GRM7: variants seen among roughly 807,000 people sequenced by gnomAD.
GRM7 encodes metabotropic glutamate receptor 7.
GRM7 carries 35 observed loss-of-function variants against 84.5 expected under a neutral mutation model. The observed-to-expected ratio is 0.41, with a 90% CI of 0.32 to 0.55. The LOEUF (loss-of-function observed/expected upper bound fraction) is 0.55, where lower values mean the gene tolerates loss of function less well. Among genes scored for constraint, GRM7 ranks in the 20% least tolerant of loss-of-function variants. The probability of loss-of-function intolerance (pLI) is 0.19; values close to 1 mark genes in which losing one functional copy is unlikely to be tolerated. For synonymous variants in GRM7, 487 were observed against 455.1 expected, an observed-to-expected ratio of 1.07 and a Z score of -0.89; for missense variants, 1,003 against 1,194.6, an observed-to-expected ratio of 0.84 and a Z score of 2.36.
At chr3:7,339,327 C>G (rs1318054967) in intron 4 of GRM7, among the ~76,000 whole-genome samples, 1 of 152,098 alleles carries the variant, frequency 6.6e-6, no homozygotes, top group African/African-American at 2.4e-5. Flanking sequence ...TGGTTTGCCC[C>G]TCTTTTTCTT....
chr3:7,457,454 A>T (rs181135680), intron 6 of GRM7, among the ~76,000 whole-genome samples: 1 of 152,270 alleles, frequency 6.6e-6, no homozygotes, highest in East Asian at 1.9e-4. Context: ...AATTTAAGTA[A>T]TTTGGTGTCT....
intron 2 of GRM7, among the ~76,000 whole-genome samples, chr3:7,209,900 T>C (rs1446384321): frequency 1.3e-5 from 2 of 152,160 alleles, no homozygotes; most frequent in African/African-American, 4.8e-5. Context: ...GAGAGAGGCC[T>C]GTCTCACCTC....
intron 4 of GRM7, among the ~76,000 whole-genome samples, chr3:7,394,508 C>T (rs1695129109): frequency 6.6e-6 from 1 of 152,134 alleles, no homozygotes; most frequent in South Asian, 2.1e-4. Flanking sequence ...GTGTTTATTA[C>T]ATATTTTACT....
At chr3:7,689,619 C>T (rs3828424) in intron 9 of GRM7, among the ~76,000 whole-genome samples, 7,034 of 152,248 alleles carry the variant, frequency 0.046, 209 homozygotes, top group South Asian at 0.084. Flanking sequence ...CTGCAACTGC[C>T]GTCTTAAGTT....
chr3:7,248,183 C>T (rs1697845353), intron 2 of GRM7, among the ~76,000 whole-genome samples: 2 of 152,132 alleles, frequency 1.3e-5, no homozygotes, highest in Non-Finnish European at 2.9e-5. Flanking sequence ...TATAGCAGCT[C>T]TATTTATTAT....
chr3:7,582,255 G>A (rs1369200091), intron 8 of GRM7, among the ~76,000 whole-genome samples: 1 of 152,196 alleles, frequency 6.6e-6, no homozygotes, highest in Non-Finnish European at 1.5e-5. Flanking sequence ...AGGAAAAGAA[G>A]TATGCCTCAG....
rs1699202405 is a variant in GRM7 at position 7,103,816 on chromosome 3, T to TC, written c.520-42636_520-42635insC. ...TTTCTTTCTTTCTTTCTTTCTTTCT[T>TC]TCTCTCTCTCTCTGTCTCTCTCTCC... On this transcript the variant is annotated intron_variant, in intron 1 of 9. Coordinates refer to ENST00000357716, the MANE Select transcript of GRM7 (RefSeq NM_000844.4). Among the ~76,000 whole-genome samples, 58 of 89,108 alleles carry TC rather than the reference T, an allele frequency of 6.5e-4. 5 individuals are homozygous for TC. The highest frequency in any genetic ancestry group is 2.7e-3 in the African/African-American group (56 of 20,766). The allele number at this position is 89,108 out of a possible 152,430, so 58.5% of individuals were successfully genotyped here. A position where few individuals can be genotyped will look rare whatever the true frequency, so the allele number is the denominator to read the frequency against.
At chr3:7,327,898 A>C (rs1004361547) in intron 4 of GRM7, among the ~76,000 whole-genome samples, 2 of 152,370 alleles carry the variant, frequency 1.3e-5, no homozygotes, top group African/African-American at 4.8e-5. Flanking sequence ...TAAATAATGT[A>C]TCAGAACATT....
chr3:7,350,207 T>C (rs1693076260), intron 4 of GRM7, among the ~76,000 whole-genome samples: 1 of 152,118 alleles, frequency 6.6e-6, no homozygotes, highest in Non-Finnish European at 1.5e-5. Flanking sequence ...TTTCTAAAAT[T>C]ACTGAGAAAA....
At chr3:7,643,569 C>T (rs1698465980) in intron 8 of GRM7, among the ~76,000 whole-genome samples, 1 of 152,180 alleles carries the variant, frequency 6.6e-6, no homozygotes, top group Non-Finnish European at 1.5e-5. Flanking sequence ...AGGTCAGAAG[C>T]TTTCCACTGG....
intron 7 of GRM7, among the ~76,000 whole-genome samples, chr3:7,559,822 A>G (rs772430846): frequency 6.6e-6 from 1 of 152,034 alleles, no homozygotes. Context: ...GATGTCCAAC[A>G]TCAAAGTGCC....
At chr3:7,423,088 C>G (rs1018506690) in intron 5 of GRM7, among the ~76,000 whole-genome samples, 17 of 152,068 alleles carry the variant, frequency 1.1e-4, no homozygotes, top group Non-Finnish European at 2.2e-4. Context: ...CCTTCAGCCA[C>G]CAACTCTTCA....
chr3:7,119,349 C>G (rs1288756966), intron 1 of GRM7, among the ~76,000 whole-genome samples: 1 of 151,970 alleles, frequency 6.6e-6, no homozygotes, highest in Admixed American at 6.6e-5. Context: ...TGAACATGCT[C>G]TACTGGAAAT....
chr3:7,621,624 T>C (rs1697360965), intron 8 of GRM7, among the ~76,000 whole-genome samples: 1 of 152,108 alleles, frequency 6.6e-6, no homozygotes, highest in African/African-American at 2.4e-5. Flanking sequence ...TTAAGATGCA[T>C]CCTCAAATGA....
intron 1 of GRM7, among the ~76,000 whole-genome samples, chr3:7,054,670 T>G (rs1254848671): frequency 6.6e-6 from 1 of 151,962 alleles, no homozygotes; most frequent in Non-Finnish European, 1.5e-5. Flanking sequence ...TCAAAAACTT[T>G]TCTGCATATA....
At chr3:7,490,395 C>T (rs527354756) in intron 7 of GRM7, among the ~76,000 whole-genome samples, 46 of 152,210 alleles carry the variant, frequency 3.0e-4, no homozygotes, top group South Asian at 2.7e-3. Flanking sequence ...AACCTCCCCC[C>T]GGGGCATACA....
chr3:6,992,095 A>G (rs1694656093), intron 1 of GRM7, among the ~76,000 whole-genome samples: 2 of 152,200 alleles, frequency 1.3e-5, no homozygotes, highest in African/African-American at 4.8e-5. Flanking sequence ...AAAGAGAAAG[A>G]GAGGATGAGG....
chr3:7,275,371 T>C (rs1391141825), intron 2 of GRM7, among the ~76,000 whole-genome samples: 1 of 152,186 alleles, frequency 6.6e-6, no homozygotes, highest in Non-Finnish European at 1.5e-5. Context: ...AGGCATGATG[T>C]ACCTGCTAAG....
intron 1 of GRM7, among the ~76,000 whole-genome samples, chr3:6,896,171 C>T (rs1228706621): frequency 6.6e-6 from 1 of 152,076 alleles, no homozygotes; most frequent in African/African-American, 2.4e-5. Context: ...TGGAGCTGTG[C>T]TGTGCTGTTG....
Sources: gnomAD v4.1 joint callset for allele counts (sites outside exome capture counted in the v4.1 genomes callset) on GRCh38, gnomAD v4.1.1 for gene constraint, MANE v1.5 for transcripts, NCBI Gene and HGNC (gene_info 2026-07-23, HGNC 2026-07-21) for gene names.